Variants in DRGX observed in about 807,000 individuals in gnomAD.
DRGX encodes dorsal root ganglia homeobox.
Under a neutral mutation model 28.6 loss-of-function variants are expected in DRGX, and 21 were observed. That is an observed-to-expected ratio of 0.73 (90% CI 0.52 to 1.06). The LOEUF (loss-of-function observed/expected upper bound fraction) is 1.06, where lower values mean the gene tolerates loss of function less well. Among genes scored for constraint, DRGX ranks in the 50% least tolerant of loss-of-function variants. The pLI, the probability that DRGX is intolerant of heterozygous loss-of-function variation, is 0.00. For missense variants in DRGX, 354 were observed against 343.9 expected, an observed-to-expected ratio of 1.03 and a Z score of -0.23; for synonymous variants, 136 against 139.1, an observed-to-expected ratio of 0.98 and a Z score of 0.16.
At chr10:49,381,401 G>A (rs902332938) in intron 6 of DRGX, among the ~76,000 whole-genome samples, 6 of 152,208 alleles carry the variant, frequency 3.9e-5, no homozygotes, top group Admixed American at 1.3e-4. Context: ...ACCCTTGCCC[G>A]GCTCCCTCTG....
At chr10:49,389,551 T>C (rs1849877958) in intron 4 of DRGX, among the ~76,000 whole-genome samples, 1 of 152,194 alleles carries the variant, frequency 6.6e-6, no homozygotes, top group African/African-American at 2.4e-5. Flanking sequence ...CCGTGTAGCT[T>C]CTAAACAGAA....
In DRGX at chr10:49,386,731, G is replaced by C. The variant is rs1294757411; in HGVS notation, c.362C>G (p.Pro121Arg). Residue 121 changes from proline (P) to arginine (R), a missense_variant, in exon 5 of 7, where the codon CCC becomes CGC. Physicochemically the swap from Pro to Arg is moderately radical, Grantham distance 103. Transcript: ENST00000374139. ...PPPVRNINSP[P>R]PGDQARSKKE... Reference sequence around the variant, plus strand: ...CTTACTCCGGGCTTGGTCCCCAGGGGGCGGGGAGTTGATGTTTCTCACTGG... The same window carrying C: ...CTTACTCCGGGCTTGGTCCCCAGGGCGCGGGGAGTTGATGTTTCTCACTGG... 1 of 1,605,174 alleles carries C rather than the reference G, an allele frequency of 6.2e-7. No individual in the cohort carries two copies. Among genetic ancestry groups the C allele is most frequent in the South Asian group, 1.1e-5 (1 of 89,278 alleles).
intron 6 of DRGX, among the ~76,000 whole-genome samples, chr10:49,371,330 A>C (rs1488688167): frequency 1.3e-5 from 2 of 152,134 alleles, no homozygotes; most frequent in Non-Finnish European, 1.5e-5. Context: ...TCCAGACCCA[A>C]AGCTCATGCA....
At position 49,395,401 on chromosome 10, in the gene DRGX, AC is replaced by A; in HGVS notation, c.34+5del. 1 of 1,550,184 alleles carries A rather than the reference AC, an allele frequency of 6.5e-7. No homozygotes were observed. The highest frequency in any genetic ancestry group is 8.7e-7 in the Non-Finnish European group (1 of 1,146,852). On this transcript the variant is annotated splice_donor_5th_base_variant and intron_variant, in intron 2 of 6. Coordinates refer to ENST00000374139, the MANE Select transcript of DRGX (RefSeq NM_001276451.2). ...ATGGAGACCCTGGGGCGCAGCGCTTACTTACCCTCTAGCTGTGGCGGGCAGT... is the reference window on the plus strand; with the variant it reads ...ATGGAGACCCTGGGGCGCAGCGCTTATTACCCTCTAGCTGTGGCGGGCAGT...
intron 2 of DRGX, 110 bp downstream of exon 2, chr10:49,395,297 T>G: frequency 7.3e-7 from 1 of 1,370,352 alleles, no homozygotes; most frequent in Admixed American, 2.1e-5. Context: ...GGCAGGCGGC[T>G]GCGCCCCCCG....
At position 49,366,690 on chromosome 10, in the gene DRGX, G is replaced by T. The variant is rs117209525; in HGVS notation, c.527-309C>A. On this transcript the variant is annotated intron_variant, in intron 6 of 6. Transcript: ENST00000374139. Reference sequence around the variant, plus strand: ...TCAGTTTCTACTTCTGTAAAATGGGGTAATACCTACATTGCAGGATTATAA... The same window carrying T: ...TCAGTTTCTACTTCTGTAAAATGGGTTAATACCTACATTGCAGGATTATAA... Among the ~76,000 whole-genome samples the T allele has an allele frequency of 4.6e-5, 7 of 152,320 alleles. No homozygotes were observed. In the East Asian group the frequency reaches 9.6e-4, roughly 21 times the overall value.
At chr10:49,368,858 G>A (rs1261942404) in intron 6 of DRGX, among the ~76,000 whole-genome samples, 2 of 152,246 alleles carry the variant, frequency 1.3e-5, no homozygotes, top group African/African-American at 2.4e-5. Flanking sequence ...TTAAAAAGAA[G>A]GAAGGCTAAA....
At chr10:49,392,016 A>T (rs1408484583) in intron 2 of DRGX, among the ~76,000 whole-genome samples, 1 of 152,164 alleles carries the variant, frequency 6.6e-6, no homozygotes, top group African/African-American at 2.4e-5. Flanking sequence ...TTCCCCACAA[A>T]AGAAAGACAT....
intron 2 of DRGX, among the ~76,000 whole-genome samples, chr10:49,393,223 T>C (rs1849929396): frequency 6.6e-6 from 1 of 152,222 alleles, no homozygotes; most frequent in African/African-American, 2.4e-5. Context: ...AGTAGATCTA[T>C]ATGCATTGGC....
intron 6 of DRGX, among the ~76,000 whole-genome samples, chr10:49,376,250 A>G (rs576118115): frequency 2.6e-5 from 4 of 152,328 alleles, no homozygotes; most frequent in African/African-American, 9.6e-5. Flanking sequence ...CTTAAGTGCC[A>G]GGATTCTCCA....
intron 6 of DRGX, among the ~76,000 whole-genome samples, chr10:49,377,753 A>T (rs141606243): frequency 3.2e-4 from 49 of 152,356 alleles, no homozygotes; most frequent in African/African-American, 8.4e-4. Flanking sequence ...ACCTCACGAA[A>T]GAGCCTAAGG....
At chr10:49,368,652 C>A (rs1023809026) in intron 6 of DRGX, among the ~76,000 whole-genome samples, 2 of 152,228 alleles carry the variant, frequency 1.3e-5, no homozygotes, top group Non-Finnish European at 2.9e-5. Flanking sequence ...AGTCTTCCTG[C>A]CCAAACGCAC....
chr10:49,365,906 G>A lies in DRGX; in HGVS notation c.*210C>T. The A allele has an allele frequency of 2.2e-6, 1 of 453,646 alleles. No individual in the cohort carries two copies. Among genetic ancestry groups the A allele is most frequent in the African/African-American group, 2.0e-5 (1 of 49,770 alleles). 28.1% of individuals were successfully genotyped at this position (453,646 alleles called of 1,614,324 possible). On this transcript the variant is annotated 3_prime_UTR_variant, in exon 7 of 7. Coordinates refer to ENST00000374139, the MANE Select transcript of DRGX (RefSeq NM_001276451.2). Reference sequence around the variant, plus strand: ...AGTGCCATCGGGATCTGTTGCCAAAGAAGCCAGGACAACACTGCCGCACTG... The same window carrying A: ...AGTGCCATCGGGATCTGTTGCCAAAAAAGCCAGGACAACACTGCCGCACTG...
At chr10:49,380,656 G>A (rs1022407462) in intron 6 of DRGX, among the ~76,000 whole-genome samples, 1 of 152,168 alleles carries the variant, frequency 6.6e-6, no homozygotes, top group African/African-American at 2.4e-5. Flanking sequence ...AAGCCCCAGG[G>A]AGCCCCAACC....
chr10:49,380,821 G>A (rs56190599), intron 6 of DRGX, among the ~76,000 whole-genome samples: 14,959 of 152,248 alleles, frequency 0.098, 942 homozygotes, highest in Admixed American at 0.14. Context: ...GGGGTCTAGG[G>A]ACTGCAGCTG....
chr10:49,375,214 C>T (rs1475231229), intron 6 of DRGX, among the ~76,000 whole-genome samples: 2 of 152,182 alleles, frequency 1.3e-5, no homozygotes, highest in Non-Finnish European at 2.9e-5. Flanking sequence ...CTTGTCTTTT[C>T]ACCATGAGCC....
intron 6 of DRGX, among the ~76,000 whole-genome samples, chr10:49,378,324 G>A (rs1849737762): frequency 6.6e-6 from 1 of 152,124 alleles, no homozygotes; most frequent in African/African-American, 2.4e-5. Context: ...GCAACAGCAG[G>A]TCACACACAC....
intron 6 of DRGX, among the ~76,000 whole-genome samples, chr10:49,369,850 G>A (rs1447196884): frequency 6.6e-6 from 1 of 152,020 alleles, no homozygotes; most frequent in African/African-American, 2.4e-5. Context: ...TGCACACAGG[G>A]CAGCCTGGCC....
chr10:49,382,890 G>A (rs1216154331), intron 6 of DRGX, among the ~76,000 whole-genome samples: 1 of 152,182 alleles, frequency 6.6e-6, no homozygotes, highest in Non-Finnish European at 1.5e-5. Flanking sequence ...AACACAGACT[G>A]CCACACTGTG....
Sources: allele counts gnomAD v4.1 joint callset (sites outside exome capture counted in the v4.1 genomes callset), GRCh38; gene constraint gnomAD v4.1.1; transcripts MANE v1.5; gene names NCBI Gene and HGNC (gene_info 2026-07-23, HGNC 2026-07-21).